DISC1: variants seen among roughly 807,000 people sequenced by gnomAD.
DISC1 encodes disrupted in schizophrenia 1 protein.
In DISC1, 57 loss-of-function variants were observed where a neutral mutation model predicts 84.5. That is an observed-to-expected ratio of 0.67 (90% confidence interval 0.55 to 0.84). DISC1 has a LOEUF of 0.84. Among genes scored for constraint, DISC1 ranks in the 40% least tolerant of loss-of-function variants. The pLI is 0.00. For missense variants in DISC1, 1,000 were observed against 1,057.8 expected (o/e 0.95, Z 0.76); for synonymous variants, 411 against 415.2 (o/e 0.99, Z 0.12).
At chr1:232,011,314 T>TTA (rs1668000058) in intron 11 of DISC1, among the ~76,000 whole-genome samples, 1 of 151,910 alleles carries the variant, frequency 6.6e-6, no homozygotes, top group Non-Finnish European at 1.5e-5. Flanking sequence ...GCTCCAGGGG[T>TTA]CCCCCAGAAA....
chr1:231,745,869 C>T (rs998519690), intron 3 of DISC1, among the ~76,000 whole-genome samples: 15 of 152,224 alleles, frequency 9.9e-5, no homozygotes, highest in East Asian at 9.7e-4. Context: ...GTGGATCCCT[C>T]GAGAATGGCT....
At chr1:231,981,495 G>C (rs1663602419) in intron 10 of DISC1, among the ~76,000 whole-genome samples, 1 of 152,120 alleles carries the variant, frequency 6.6e-6, no homozygotes, top group South Asian at 2.1e-4. Context: ...GCTAACAATG[G>C]TTTCTCATTT....
At chr1:231,761,461 T>C (rs17749164) in intron 4 of DISC1, among the ~76,000 whole-genome samples, 52,050 of 152,052 alleles carry the variant, frequency 0.34, 9,610 homozygotes, top group Admixed American at 0.4. Flanking sequence ...CCTGGGGCCA[T>C]CACTCAGCCA....
intron 3 of DISC1, 174 bp downstream of exon 3, chr1:231,702,198 T>C: frequency 7.3e-7 from 1 of 1,369,500 alleles, no homozygotes; most frequent in South Asian, 1.7e-5. Flanking sequence ...GATTTCAAAG[T>C]ACTTCATGAA....
At chr1:231,832,012 G>A (rs180771567) in intron 9 of DISC1, among the ~76,000 whole-genome samples, 511 of 151,358 alleles carry the variant, frequency 3.4e-3, no homozygotes, top group Middle Eastern at 6.8e-3. Flanking sequence ...TGGGGAAATG[G>A]GGTGAATGTT....
At chr1:232,016,601 A>G (rs1342933699) in intron 11 of DISC1, among the ~76,000 whole-genome samples, 3 of 152,242 alleles carry the variant, frequency 2.0e-5, no homozygotes, top group Non-Finnish European at 4.4e-5. Context: ...TAGCTTTTCA[A>G]AGGTTGCCCT....
At chr1:231,643,655 T>A (rs1474915912) in intron 1 of DISC1, among the ~76,000 whole-genome samples, 1 of 152,258 alleles carries the variant, frequency 6.6e-6, no homozygotes, top group Non-Finnish European at 1.5e-5. Context: ...CTTGTGTCAC[T>A]TATTAAGCAT....
Position 231,700,640 on chromosome 1 carries a change from C to T in DISC1, c.1048-1315C>T, listed in dbSNP as rs528309868. Among the ~76,000 whole-genome samples, 4 of 152,156 alleles carry T rather than the reference C, an allele frequency of 2.6e-5. No individual in the cohort carries two copies. The South Asian group carries it at 6.2e-4, about 24-fold the overall frequency. ...CCCATAATCCCCGTTGTTCAAGGGC[C>T]GACTGTATTATGTTTTTGCCTAGAA... On this transcript the variant is annotated intron_variant, in intron 2 of 12. Transcript: ENST00000439617.
intron 1 of DISC1, among the ~76,000 whole-genome samples, chr1:231,640,788 T>C (rs778861120): frequency 1.2e-4 from 19 of 152,170 alleles, no homozygotes; most frequent in Non-Finnish European, 2.5e-4. Flanking sequence ...CTCCTGCCTC[T>C]GTCTCCCAAA....
chr1:231,808,615 G>A lies in DISC1; in HGVS notation c.1792+8405G>A, dbSNP rs143914271. On this transcript the variant is annotated intron_variant, in intron 8 of 12. Transcript: ENST00000439617. ...GGGAGATGGACATGGTATTTACTGC[G>A]TGCCTTTCATAGGATGCTGCTTTTA... Among the ~76,000 whole-genome samples the A allele has an allele frequency of 1.9e-4, 29 of 152,346 alleles. No individual in the cohort carries two copies. The Middle Eastern group carries it at 0.017, about 89-fold the overall frequency.
At chr1:231,797,097 GTTTA>G (rs2078823856) in intron 7 of DISC1, among the ~76,000 whole-genome samples, 2 of 152,180 alleles carry the variant, frequency 1.3e-5, no homozygotes, top group African/African-American at 4.8e-5. Flanking sequence ...TTGGGTCTGA[GTTTA>G]TTGACTATCT....
chr1:231,916,459 C>T (rs1196939461), intron 9 of DISC1, among the ~76,000 whole-genome samples: 1 of 151,756 alleles, frequency 6.6e-6, no homozygotes, highest in Non-Finnish European at 1.5e-5. Flanking sequence ...TCGAGACCAT[C>T]CCGGCTAAAG....
chr1:231,814,126 CA>C (rs2080632724), intron 8 of DISC1, among the ~76,000 whole-genome samples: 1 of 152,118 alleles, frequency 6.6e-6, no homozygotes, highest in Non-Finnish European at 1.5e-5. Flanking sequence ...ACATTTGTAT[CA>C]GTTTGAAATC....
intron 1 of DISC1, among the ~76,000 whole-genome samples, chr1:231,677,805 C>T (rs1001199117): frequency 6.6e-6 from 1 of 152,286 alleles, no homozygotes; most frequent in African/African-American, 2.4e-5. Flanking sequence ...ATGGTGAAAC[C>T]CTGTCTCTAC....
intron 4 of DISC1, among the ~76,000 whole-genome samples, chr1:231,752,018 A>G (rs868597676): frequency 6.6e-6 from 1 of 152,230 alleles, no homozygotes; most frequent in Admixed American, 6.5e-5. Flanking sequence ...AAACTTAGGC[A>G]GATCCACCAG....
chr1:231,722,591 A>G (rs1463072607), intron 3 of DISC1: 2 of 1,613,982 alleles, frequency 1.2e-6, no homozygotes, highest in African/African-American at 1.3e-5. Flanking sequence ...CCTGAACCAA[A>G]CTCCTATTAA....
chr1:231,703,631 T>C (rs1457009997), intron 3 of DISC1, among the ~76,000 whole-genome samples: 4 of 152,200 alleles, frequency 2.6e-5, no homozygotes, highest in Non-Finnish European at 5.9e-5. Flanking sequence ...TTTCTAGACT[T>C]GGTTCTCTCA....
In DISC1 at chr1:231,932,800, GTAGATGCATTGACTATTTCTC is replaced by G. The variant is rs1572150434; in HGVS notation, c.1982-26023_1982-26003del. ...TTAAAATTGAATAATGTATCCTGTA[GTAGATGCATTGACTATTTCTC>G]TAGAGTTGGCATCCTAAAATTCAAA... On this transcript the variant is annotated intron_variant, in intron 9 of 12. Coordinates refer to ENST00000439617, the MANE Select transcript of DISC1 (RefSeq NM_018662.3). Among the ~76,000 whole-genome samples, 12 of 152,256 alleles carry G rather than the reference GTAGATGCATTGACTATTTCTC, an allele frequency of 7.9e-5. No individual in the cohort carries two copies. The East Asian group carries it at 2.3e-3, about 29-fold the overall frequency.
At chr1:231,637,083 C>T (rs1183779966) in intron 1 of DISC1, among the ~76,000 whole-genome samples, 1 of 152,102 alleles carries the variant, frequency 6.6e-6, no homozygotes, top group East Asian at 1.9e-4. Flanking sequence ...TGTTAGTTTG[C>T]TGAGAATGAT....
Sources: gnomAD v4.1 joint callset for allele counts (sites outside exome capture counted in the v4.1 genomes callset) on GRCh38, gnomAD v4.1.1 for gene constraint, MANE v1.5 for transcripts, NCBI Gene and HGNC (gene_info 2026-07-23, HGNC 2026-07-21) for gene names.